The following GBF1 variants were observed in gnomAD, a reference collection of about 807,000 sequenced individuals.
GBF1 encodes golgi brefeldin A resistant guanine nucleotide exchange factor 1, also known as Golgi-specific brefeldin A-resistance guanine nucleotide exchange factor 1.
A neutral mutation model predicts 210.5 loss-of-function variants in GBF1; 114 were observed. That is an observed-to-expected ratio of 0.54 (90% CI 0.47 to 0.63). The LOEUF is 0.63. Among genes scored for constraint, GBF1 ranks in the 30% least tolerant of loss-of-function variants. GBF1 has a pLI of 0.00. For missense variants in GBF1, 1,851 were observed against 2,357.7 expected (o/e 0.79, Z 4.45); for synonymous variants, 850 against 889.2 (o/e 0.96, Z 0.78).
chr10:102,267,908 G>C (rs1047826821), intron 3 of GBF1, among the ~76,000 whole-genome samples: 2 of 152,190 alleles, frequency 1.3e-5, no homozygotes, highest in African/African-American at 4.8e-5. Context: ...ATTTGAGTCA[G>C]ACTGACTTTG....
intron 3 of GBF1, among the ~76,000 whole-genome samples, chr10:102,314,370 C>T (rs1467359512): frequency 3.3e-5 from 5 of 152,024 alleles, no homozygotes; most frequent in Admixed American, 2.0e-4. Context: ...TGGTCTTGAA[C>T]TCCTGGGCTC....
chr10:102,261,293 CAT>C (rs1337270652), intron 3 of GBF1, among the ~76,000 whole-genome samples: 3 of 151,662 alleles, frequency 2.0e-5, no homozygotes, highest in African/African-American at 7.3e-5. Flanking sequence ...CACACACACA[CAT>C]ATACACTGGC....
At chr10:102,296,511 A>G (rs772033) in intron 3 of GBF1, among the ~76,000 whole-genome samples, 51,887 of 151,878 alleles carry the variant, frequency 0.34, 9,262 homozygotes, top group South Asian at 0.48. Context: ...TTGGGAGGCC[A>G]AGGCGGGTAG....
chr10:102,376,756 G>A lies in GBF1; in HGVS notation c.4244G>A (p.Cys1415Tyr). 1 of 1,610,044 alleles carries A rather than the reference G, an allele frequency of 6.2e-7. No individual in the cohort carries two copies. The highest frequency in any genetic ancestry group is 8.5e-7 in the Non-Finnish European group (1 of 1,179,956). The change falls in exon 32 of 40, where the codon TGC becomes TAC. Residue 1415 changes from cysteine (C) to tyrosine (Y), a missense_variant. By Grantham distance (194) the Cys-to-Tyr change is radical. Coordinates refer to ENST00000369983, the MANE Select transcript of GBF1 (RefSeq NM_001377137.1). The part of the protein sequence containing the change: ...AHITPDNFEL[C>Y]VKTLRIFVEA... The stretch of plus-strand genomic sequence containing the variant: ...ATCACACCTGACAACTTTGAGCTCT[G>A]CGTCAAGACTCTCCGGATCTTTGTG...
At chr10:102,365,695 G>A (rs1397539641) in intron 18 of GBF1, 96 bp downstream of exon 18, 17 of 1,046,406 alleles carry the variant, frequency 1.6e-5, no homozygotes, top group South Asian at 6.4e-5. Context: ...CAGATCACTC[G>A]AGCTCAGGAG....
At chr10:102,331,851 A>ATTTTTTTTTTTT (rs869198412) in intron 3 of GBF1, among the ~76,000 whole-genome samples, 1 of 85,320 alleles carries the variant, frequency 1.2e-5, no homozygotes, top group African/African-American at 4.9e-5. Flanking sequence ...TACCTGGCTA[A>ATTTTTTTTTTTT]TTTTTTTTTT....
At chr10:102,266,882 T>C (rs1191809170) in intron 3 of GBF1, among the ~76,000 whole-genome samples, 2 of 152,208 alleles carry the variant, frequency 1.3e-5, no homozygotes, top group Non-Finnish European at 2.9e-5. Context: ...CAGGAGTTTA[T>C]TTAAGTATAG....
chr10:102,249,673 A>G (rs1407050226), intron 1 of GBF1, among the ~76,000 whole-genome samples: 1 of 148,818 alleles, frequency 6.7e-6, no homozygotes, highest in Non-Finnish European at 1.5e-5. Context: ...AAAGCTCTGC[A>G]TCTTTAGTGT....
chr10:102,361,772 T>C lies in GBF1; in HGVS notation c.1546T>C (p.Tyr516His), dbSNP rs1298902590. The C allele has an allele frequency of 2.5e-6, 4 of 1,613,518 alleles. No homozygotes were observed. Among genetic ancestry groups the C allele is most frequent in the Non-Finnish European group, 3.4e-6 (4 of 1,179,676 alleles). ...CACTGTGGAGAACCCCAAGATGCCT[T>C]ATGAGATGAAGGAGATGGCACTGGA... ...IITVENPKMP[Y>H]EMKEMALEAI... The change falls in exon 14 of 40, where the codon TAT becomes CAT. Residue 516 changes from tyrosine to histidine, a missense_variant. Tyr to His is a moderately conservative substitution (Grantham distance 83). This residue lies in a region of GBF1 where 804 missense variants were observed against 958.6 expected (regional missense o/e 0.84). Transcript: ENST00000369983.
chr10:102,359,661 G>A (rs915303417), intron 11 of GBF1, among the ~76,000 whole-genome samples: 2 of 150,848 alleles, frequency 1.3e-5, no homozygotes, highest in Non-Finnish European at 2.9e-5. Flanking sequence ...TAGGAAGCAA[G>A]AAGGAAGGGA....
intron 29 of GBF1, among the ~76,000 whole-genome samples, chr10:102,373,483 G>T (rs1426242012): frequency 1.3e-5 from 2 of 152,192 alleles, no homozygotes; most frequent in Non-Finnish European, 2.9e-5. Context: ...GATTGAGGTG[G>T]GAGGATCGCT....
Position 102,358,514 on chromosome 10 carries a change from C to T in GBF1, c.796C>T (p.Pro266Ser), listed in dbSNP as rs1470184074. Residue 266 changes from proline to serine, a missense_variant, in exon 10 of 40, where the codon CCC (proline) becomes TCC (serine). Physicochemically the swap from Pro to Ser is moderately conservative, Grantham distance 74 (BLOSUM62 -1). This residue lies in a region of GBF1 where 804 missense variants were observed against 958.6 expected (regional missense o/e 0.84). Coordinates refer to ENST00000369983, the MANE Select transcript of GBF1 (RefSeq NM_001377137.1). ...TLSSNLTGGM[P>S]FIDVPTPISS... The stretch of plus-strand genomic sequence containing the variant: ...CATACTTTTCTTGGCAGGTGGCATG[C>T]CCTTCATTGATGTGCCCACTCCCAT... The T allele has an allele frequency of 1.9e-6, 3 of 1,611,344 alleles. No individual in the cohort carries two copies. The highest frequency in any genetic ancestry group is 2.5e-6 in the Non-Finnish European group (3 of 1,177,538).
the GBF1 span, among the ~76,000 whole-genome samples, chr10:102,233,932 C>G: frequency 0.67 from 102,007 of 152,026 alleles, 34,864 homozygotes; most frequent in African/African-American, 0.81. Context: ...CCCTCTGCTG[C>G]GAGGAAGGGA....
the GBF1 span, among the ~76,000 whole-genome samples, chr10:102,236,673 A>C: frequency 6.6e-6 from 1 of 152,228 alleles, no homozygotes; most frequent in Non-Finnish European, 1.5e-5. Context: ...ACCCCATGGC[A>C]ATAAGTCAGC....
intron 1 of GBF1, among the ~76,000 whole-genome samples, chr10:102,253,666 A>G (rs1181576600): frequency 1.3e-5 from 2 of 152,016 alleles, no homozygotes; most frequent in African/African-American, 2.4e-5. Context: ...GGCACATGCC[A>G]CCATGCCCTA....
intron 30 of GBF1, among the ~76,000 whole-genome samples, 194 bp downstream of exon 30, chr10:102,375,778 C>T (rs2060460264): frequency 6.6e-6 from 1 of 152,018 alleles, no homozygotes; most frequent in Non-Finnish European, 1.5e-5. Flanking sequence ...ATAAGCAATG[C>T]AGACGGCTGT....
rs1565190374 is a variant in GBF1, at chr10:102,380,312, A to G, written c.4942A>G (p.Ile1648Val). 1.2e-6 allele frequency: 2 copies of G among 1,613,984 alleles called. No homozygotes were observed. The highest frequency in any genetic ancestry group is 1.7e-5 in the Admixed American group (1 of 60,020). ...LSTFAALWLT[I>V]LDFMDKYMHA... is the part of the protein sequence containing the mutation. ...TACCTTTGCGGCCCTCTGGCTCACC[A>G]TCTTGGACTTCATGGACAAGTACAT... The change falls in exon 37 of 40, where the codon ATC (isoleucine) becomes GTC (valine). Residue 1648 changes from isoleucine to valine, a missense_variant. Physicochemically the swap from Ile to Val is conservative, Grantham distance 29. Transcript: ENST00000369983.
chr10:102,380,514 G>A lies in GBF1; in HGVS notation c.5001G>A (p.Ala1667=), dbSNP rs764614411. Residue 1667 remains alanine (A), a synonymous_variant, in exon 38 of 40, where the codon GCG becomes GCA. Coordinates refer to ENST00000369983, the MANE Select transcript of GBF1 (RefSeq NM_001377137.1). ...CCCACTGCCACCTGCAGTCAGAGGC[G>A]ATCCCTGAGTCTCTGAAGAACATGC... ...HAGSSDLLSE[A]IPESLKNMLL... is the part of the protein sequence containing the mutation. The A allele has an allele frequency of 2.3e-5, 37 of 1,612,036 alleles. No homozygotes were observed. The highest frequency in any genetic ancestry group is 6.7e-5 in the East Asian group (3 of 44,846).
chr10:102,281,183 T>G (rs1301567173), intron 3 of GBF1, among the ~76,000 whole-genome samples: 1 of 152,182 alleles, frequency 6.6e-6, no homozygotes. Context: ...TAAAGCCTCT[T>G]TTTAAAAAGT....
Sources: gnomAD v4.1 joint callset for allele counts (sites outside exome capture counted in the v4.1 genomes callset) on GRCh38, gnomAD v4.1.1 for gene constraint, gnomAD v4.1.1 regional missense constraint, MANE v1.5 for transcripts, NCBI Gene and HGNC (gene_info 2026-07-23, HGNC 2026-07-21) for gene names.